Variants in CPNE9 observed in about 807,000 individuals in gnomAD.
The protein encoded by CPNE9 is copine family member 9, also known as copine-9.
CPNE9 carries 59 observed loss-of-function variants against 83.0 expected under a neutral mutation model. That is an observed-to-expected ratio of 0.71 (90% confidence interval 0.58 to 0.88). CPNE9 has a LOEUF of 0.88. CPNE9 is among the 40% of genes least tolerant of loss of function. The pLI, the probability that CPNE9 is intolerant of heterozygous loss-of-function variation, is 0.00. For synonymous variants in CPNE9, 256 were observed against 273.4 expected, an observed-to-expected ratio of 0.94 and a Z score of 0.63; for missense variants, 619 against 720.8, an observed-to-expected ratio of 0.86 and a Z score of 1.62.
intron 17 of CPNE9, among the ~76,000 whole-genome samples, chr3:9,723,899 T>C (rs1484456445): frequency 1.3e-5 from 2 of 152,052 alleles, no homozygotes; most frequent in Non-Finnish European, 2.9e-5. Flanking sequence ...CATTTTGAGA[T>C]CAGGTTTCAA....
intron 16 of CPNE9, 25 bp from the exon 17 acceptor site, chr3:9,718,450 C>A (rs772339572): frequency 1.3e-4 from 204 of 1,606,010 alleles, no homozygotes; most frequent in Non-Finnish European, 1.7e-4. Flanking sequence ...ATGGGCTCAG[C>A]CTGGCAGGGC....
chr3:9,712,029 G>A (rs2076634888), intron 7 of CPNE9, among the ~76,000 whole-genome samples: 2 of 152,198 alleles, frequency 1.3e-5, no homozygotes, highest in South Asian at 4.1e-4. Context: ...CAGTCTAGCA[G>A]AGCCGGAGAG....
rs2076794851 is a variant in CPNE9, at chr3:9,727,453, T to C, written c.1476+267T>C. The C allele has an allele frequency of 4.2e-6, 3 of 716,240 alleles. No individual in the cohort carries two copies. The African/African-American group carries it at 5.2e-5, about 13-fold the overall frequency. The allele number at this position is 716,240 out of a possible 1,614,324, so 44.4% of individuals were successfully genotyped here. A position where few individuals can be genotyped will look rare whatever the true frequency, so the allele number is the denominator to read the frequency against. On this transcript the variant is annotated intron_variant, in intron 20 of 20. Coordinates refer to ENST00000383832, the MANE Select transcript of CPNE9 (RefSeq NM_153635.3). Reference sequence around the variant, plus strand: ...CAATAAATAATCACACAAAGAAATATCTCATTAGATTGTGATAAGTACTCC... The same window carrying C: ...CAATAAATAATCACACAAAGAAATACCTCATTAGATTGTGATAAGTACTCC...
Position 9,727,471 on chromosome 3 carries a change from A to G in CPNE9, c.1476+285A>G, listed in dbSNP as rs560419937. ...AGAAATATCTCATTAGATTGTGATA[A>G]GTACTCCAGAGGAATAGCAAATGCC... On this transcript the variant is annotated intron_variant, in intron 20 of 20. Transcript: ENST00000383832. The G allele has an allele frequency of 3.6e-5, 26 of 712,700 alleles. No individual in the cohort carries two copies. In the South Asian group the frequency reaches 3.9e-4, roughly 11 times the overall value. The allele number at this position is 712,700 out of a possible 1,614,324, so 44.1% of individuals were successfully genotyped here.
chr3:9,718,279 C>G, intron 16 of CPNE9, 69 bp downstream of exon 16: 1 of 1,484,114 alleles, frequency 6.7e-7, no homozygotes, highest in Non-Finnish European at 9.2e-7. Context: ...TGATTTTGTT[C>G]TGTTTACATT....
At position 9,704,164 on chromosome 3, in the gene CPNE9, G is replaced by A. The variant is rs561737145; in HGVS notation, c.68+100G>A. ...GGCAGGGGCTAGACCCCCGGGGAGA[G>A]GCGAAATTGGCTGGAAAATCACAGC... On this transcript the variant is annotated intron_variant, in intron 1 of 20. Coordinates refer to ENST00000383832, the MANE Select transcript of CPNE9 (RefSeq NM_153635.3). The surrounding 1 kb of genome is among the most constrained non-coding windows in gnomAD (Gnocchi z 7.1). 4 of 1,112,728 alleles carry A rather than the reference G, an allele frequency of 3.6e-6. No individual in the cohort carries two copies. The Admixed American group carries it at 7.8e-5, about 22-fold the overall frequency. 68.9% of individuals were successfully genotyped at this position (1,112,728 alleles called of 1,614,324 possible). A position where few individuals can be genotyped will look rare whatever the true frequency, so the allele number is the denominator to read the frequency against.
chr3:9,728,274 G>C (rs1383175961), intron 20 of CPNE9, among the ~76,000 whole-genome samples: 1 of 152,212 alleles, frequency 6.6e-6, no homozygotes, highest in Non-Finnish European at 1.5e-5. Context: ...GGCCTCTTGA[G>C]ACCAGGAGTT....
chr3:9,729,131 G>A (rs1489892885), intron 20 of CPNE9, among the ~76,000 whole-genome samples: 1 of 152,136 alleles, frequency 6.6e-6, no homozygotes, highest in African/African-American at 2.4e-5. Flanking sequence ...AGAAGAGTGT[G>A]GTATCAAGAG....
intron 17 of CPNE9, 67 bp downstream of exon 17, chr3:9,718,669 T>C (rs1281906379): frequency 6.4e-6 from 10 of 1,563,408 alleles, no homozygotes; most frequent in African/African-American, 1.4e-5. Flanking sequence ...CCCCCAAGGA[T>C]AGTCAGGAGC....
chr3:9,725,640 G>GTGTATATATGTGTATATATGTATATA (rs2076772899), intron 17 of CPNE9, among the ~76,000 whole-genome samples: 2 of 49,430 alleles, frequency 4.0e-5, no homozygotes, highest in African/African-American at 1.6e-4. Context: ...GTATATACAT[G>GTGTATATATGTGTATATATGTATATA]TATGTGTATA....
chr3:9,703,897 C>A lies in CPNE9; in HGVS notation c.-100C>A. ...GAGCGAGTGCAGCCGCCGCCGCCGC[C>A]GACACCGCGGCACATGGGCCGGCCC... On this transcript the variant is annotated 5_prime_UTR_variant, in exon 1 of 21. Transcript: ENST00000383832. 5.0e-6 allele frequency: 5 copies of A among 1,004,042 alleles called. No homozygotes were observed. Among genetic ancestry groups the A allele is most frequent in the African/African-American group, 1.7e-5 (1 of 57,218 alleles). 62.2% of individuals were successfully genotyped at this position (1,004,042 alleles called of 1,614,324 possible).
intron 7 of CPNE9, among the ~76,000 whole-genome samples, chr3:9,708,493 C>T (rs531749635): frequency 1.3e-5 from 2 of 152,374 alleles, no homozygotes; most frequent in South Asian, 2.1e-4. Flanking sequence ...TTACCAACCA[C>T]ATCAAATGCT....
chr3:9,707,203 C>A (rs897624204), intron 7 of CPNE9, among the ~76,000 whole-genome samples: 13 of 151,458 alleles, frequency 8.6e-5, no homozygotes, highest in African/African-American at 1.2e-4. Flanking sequence ...AATACAAAAA[C>A]TTAGCTAGGC....
rs1333701778 is a variant in CPNE9, at chr3:9,704,598, A to T, written c.80A>T (p.Asp27Val). ...EITVSCRNLL[D>V]LDTFSKSDPM... Reference sequence around the variant, plus strand: ...TTGCTTTTCTCTAGGAACCTGCTAGACCTTGATACCTTCTCCAAGTCCGAC... The same window carrying T: ...TTGCTTTTCTCTAGGAACCTGCTAGTCCTTGATACCTTCTCCAAGTCCGAC... The change falls in exon 2 of 21, where the codon GAC becomes GTC. Residue 27 changes from aspartate (D) to valine (V), a missense_variant. By Grantham distance (152) the Asp-to-Val change is radical. Coordinates refer to ENST00000383832, the MANE Select transcript of CPNE9 (RefSeq NM_153635.3). This position sits in a 1 kb window ranked among gnomAD's most constrained non-coding sequence, Gnocchi z 7.1. 1.2e-6 allele frequency: 2 copies of T among 1,613,864 alleles called. No individual in the cohort carries two copies. Among genetic ancestry groups the T allele is most frequent in the East Asian group, 4.5e-5 (2 of 44,862 alleles).
At position 9,715,458 on chromosome 3, in the gene CPNE9, A is replaced by T. The variant is rs777817683; in HGVS notation, c.769-15A>T. ...TCCTTTGTTTCTCATCATCACTGTTACCTCCTCCCCTTAGGTTCTTAACCC... is the reference window on the plus strand; with the variant it reads ...TCCTTTGTTTCTCATCATCACTGTTTCCTCCTCCCCTTAGGTTCTTAACCC... On this transcript the variant is annotated splice_polypyrimidine_tract_variant and intron_variant, in intron 12 of 20. Coordinates refer to ENST00000383832, the MANE Select transcript of CPNE9 (RefSeq NM_153635.3). 1 of 1,613,546 alleles carries T rather than the reference A, an allele frequency of 6.2e-7. No individual in the cohort carries two copies. The highest frequency in any genetic ancestry group is 8.5e-7 in the Non-Finnish European group (1 of 1,179,548).
At chr3:9,711,873 C>A (rs796067908) in intron 7 of CPNE9, among the ~76,000 whole-genome samples, 14 of 152,300 alleles carry the variant, frequency 9.2e-5, no homozygotes, top group African/African-American at 3.4e-4. Flanking sequence ...TCAGAAAGCA[C>A]ATCAGCTTTG....
At chr3:9,714,870 AT>A in intron 10 of CPNE9, 43 bp from the exon 11 acceptor site, 1 of 1,550,480 alleles carries the variant, frequency 6.4e-7, no homozygotes, top group Non-Finnish European at 8.9e-7. Flanking sequence ...TGTCTCTGGG[AT>A]TTATCATACA....
intron 11 of CPNE9, 65 bp downstream of exon 11, chr3:9,715,020 T>C (rs1575124051): frequency 6.8e-7 from 1 of 1,462,550 alleles, no homozygotes; most frequent in East Asian, 2.3e-5. Context: ...TAATATGTTG[T>C]ACATTCACTG....
chr3:9,718,752 AC>A, intron 17 of CPNE9, 150 bp downstream of exon 17: 7 of 929,070 alleles, frequency 7.5e-6, no homozygotes, highest in Non-Finnish European at 1.1e-5. Flanking sequence ...TGTAATCCCA[AC>A]ACTTTGGGAG....
Sources: allele counts gnomAD v4.1 joint callset (sites outside exome capture counted in the v4.1 genomes callset), GRCh38; gene constraint gnomAD v4.1.1; non-coding constraint Gnocchi (gnomAD v3.1); transcripts MANE v1.5; gene names NCBI Gene and HGNC (gene_info 2026-07-23, HGNC 2026-07-21).